The following MMD2 variants were observed in gnomAD, a reference collection of about 807,000 sequenced individuals.
MMD2 encodes monocyte to macrophage differentiation associated 2, also known as monocyte to macrophage differentiation factor 2.
A neutral mutation model predicts 33.5 loss-of-function variants in MMD2; 30 were observed. The observed-to-expected ratio is 0.90, with a 90% confidence interval of 0.67 to 1.22. MMD2 has a LOEUF of 1.22. Ranked by LOEUF, MMD2 falls within the 50% of genes most tolerant of loss-of-function variation. The pLI, the probability that MMD2 is intolerant of heterozygous loss-of-function variation, is 0.00. For missense variants in MMD2, 364 were observed against 325.4 expected (o/e 1.12, Z -0.91); for synonymous variants, 129 against 123.0 (o/e 1.05, Z -0.32).
At chr7:4,893,332 G>T in the MMD2 span, among the ~76,000 whole-genome samples, 1 of 151,298 alleles carries the variant, frequency 6.6e-6, no homozygotes, top group Admixed American at 6.6e-5. Flanking sequence ...CATCACCAAG[G>T]GCTGCTGGTT....
intron 1 of MMD2, among the ~76,000 whole-genome samples, chr7:4,945,504 G>A (rs935205773): frequency 6.6e-6 from 1 of 151,566 alleles, no homozygotes; most frequent in Non-Finnish European, 1.5e-5. Context: ...CTGACCTCGT[G>A]ATCCACCTAC....
chr7:4,902,613 T>C (rs1040821483), downstream of MMD2, among the ~76,000 whole-genome samples: 3 of 152,168 alleles, frequency 2.0e-5, no homozygotes, highest in African/African-American at 7.2e-5. Context: ...CTCTTTCTCG[T>C]CACACCTGCT....
chr7:4,911,977 G>C (rs1042743513), intron 4 of MMD2, among the ~76,000 whole-genome samples: 12 of 151,832 alleles, frequency 7.9e-5, no homozygotes, highest in African/African-American at 2.7e-4. Context: ...TATTTTAAGA[G>C]ACAGGGTCTT....
rs1786096726 is a variant in MMD2, at chr7:4,946,727, G to C, written c.47+12244C>G. Among the ~76,000 whole-genome samples the C allele has an allele frequency of 1.3e-5, 2 of 152,024 alleles. No individual in the cohort carries two copies. Among genetic ancestry groups the C allele is most frequent in the South Asian group, 4.1e-4 (2 of 4,826 alleles). ...CACCATATGGCCTATAATCCTCCTG[G>C]CCTTTCTTCCTTCTTATTTTTAGAG... On this transcript the variant is annotated intron_variant, in intron 1 of 6. Transcript: ENST00000401401. The surrounding 1 kb of genome is among the most constrained non-coding windows in gnomAD (Gnocchi z 5.0).
chr7:4,908,133 T>C (rs1014748991), intron 6 of MMD2, among the ~76,000 whole-genome samples: 12 of 149,816 alleles, frequency 8.0e-5, no homozygotes, highest in African/African-American at 2.9e-4. Context: ...TTATAACTTA[T>C]CTTATCTGGT....
At position 4,946,890 on chromosome 7, in the gene MMD2, C is replaced by T. The variant is rs1786100678; in HGVS notation, c.47+12081G>A. Among the ~76,000 whole-genome samples, 1 of 152,000 alleles carries T rather than the reference C, an allele frequency of 6.6e-6. No individual in the cohort carries two copies. On this transcript the variant is annotated intron_variant, in intron 1 of 6. Transcript: ENST00000401401. The surrounding 1 kb of genome is among the most constrained non-coding windows in gnomAD (Gnocchi z 5.0). ...TGTGCCACACTACTAGAAAGAAATA[C>T]CTGAGACTGGGTAATTCATAAAGAA...
the MMD2 span, among the ~76,000 whole-genome samples, chr7:4,900,921 C>A: frequency 2.6e-5 from 4 of 152,116 alleles, no homozygotes; most frequent in Non-Finnish European, 5.9e-5. Context: ...GGGTGGATCA[C>A]CTGAGGTCAG....
chr7:4,949,716 T>A (rs1246606131), intron 1 of MMD2, among the ~76,000 whole-genome samples: 1 of 152,040 alleles, frequency 6.6e-6, no homozygotes, highest in Non-Finnish European at 1.5e-5. Context: ...TTCACCATAT[T>A]GGCCAGGATG....
intron 1 of MMD2, among the ~76,000 whole-genome samples, chr7:4,937,439 A>G (rs1280579461): frequency 6.6e-6 from 1 of 151,806 alleles, no homozygotes; most frequent in Non-Finnish European, 1.5e-5. Context: ...AGAAAGAAAG[A>G]AAGGAAGAAA....
chr7:4,954,941 T>C lies in MMD2; in HGVS notation c.47+4030A>G, dbSNP rs10234450. ...TCCTATTCCACTGTTCTCATCTGAA[T>C]AATGAATTGTCTCAGTACCACTTAT... On this transcript the variant is annotated intron_variant, in intron 1 of 6. Transcript: ENST00000401401. Among the ~76,000 whole-genome samples the C allele has an allele frequency of 3.2e-3, 490 of 152,352 alleles. 2 individuals carry two copies. The highest frequency in any genetic ancestry group is 0.011 in the African/African-American group (458 of 41,590).
At chr7:4,897,634 C>T in the MMD2 span, among the ~76,000 whole-genome samples, 25 of 152,330 alleles carry the variant, frequency 1.6e-4, no homozygotes, top group African/African-American at 5.3e-4. Flanking sequence ...GAAGTGCATT[C>T]GGTGAAAGGC....
intron 1 of MMD2, among the ~76,000 whole-genome samples, chr7:4,950,260 G>A (rs904024060): frequency 6.6e-6 from 1 of 151,806 alleles, no homozygotes; most frequent in African/African-American, 2.4e-5. Flanking sequence ...CACCAGGCCT[G>A]GCTAATTTTG....
chr7:4,907,560 C>A lies in MMD2; in HGVS notation c.577G>T (p.Val193Phe), dbSNP rs201181716. 4.9e-5 allele frequency: 79 copies of A among 1,613,084 alleles called. No homozygotes were observed. The African/African-American group carries it at 9.6e-4, about 20-fold the overall frequency. The part of the protein sequence containing the change: ...EGIWELVTGG[V>F]FYCLGMVFFK... ...AAGACCATGCCCAGGCAGTAGAAGACCCCTCCGGTCACCAGCTCCCAGATG... is the reference window on the plus strand; with the variant it reads ...AAGACCATGCCCAGGCAGTAGAAGAACCCTCCGGTCACCAGCTCCCAGATG... Residue 193 changes from valine (V) to phenylalanine (F), a missense_variant, in exon 7 of 7, where the codon GTC (valine) becomes TTC (phenylalanine). By Grantham distance (50) the Val-to-Phe change is conservative. Transcript: ENST00000401401.
chr7:4,905,640 ACCCCAGAAC>A (rs1292339714), downstream of MMD2, among the ~76,000 whole-genome samples: 2 of 151,770 alleles, frequency 1.3e-5, no homozygotes, highest in African/African-American at 2.4e-5. The surrounding 1 kb of genome is among the most constrained non-coding windows in gnomAD (Gnocchi z 5.0). Context: ...CCTAAACAAC[ACCCCAGAAC>A]CCCCAGAACC....
At chr7:4,915,923 TACCC>T in intron 4 of MMD2, 78 bp downstream of exon 4, 1 of 1,427,446 alleles carries the variant, frequency 7.0e-7, no homozygotes, top group Non-Finnish European at 9.8e-7. Flanking sequence ...GTCAACACAT[TACCC>T]AGCCAAATAG....
intron 1 of MMD2, among the ~76,000 whole-genome samples, chr7:4,932,554 C>G (rs1434929855): frequency 6.6e-6 from 1 of 151,984 alleles, no homozygotes; most frequent in African/African-American, 2.4e-5. Flanking sequence ...CCTGCCCCCT[C>G]TTTGCACCTG....
At chr7:4,922,771 A>T (rs1157676555) in intron 2 of MMD2, among the ~76,000 whole-genome samples, 3 of 151,978 alleles carry the variant, frequency 2.0e-5, no homozygotes, top group Non-Finnish European at 4.4e-5. Flanking sequence ...ATCACCTACC[A>T]TGCCTAGTAT....
At chr7:4,945,277 T>C (rs1238959683) in intron 1 of MMD2, among the ~76,000 whole-genome samples, 2 of 144,114 alleles carry the variant, frequency 1.4e-5, no homozygotes, top group Non-Finnish European at 3.0e-5. Context: ...CTTTCTTTTT[T>C]TTTCTTTTTT....
intron 1 of MMD2, among the ~76,000 whole-genome samples, chr7:4,938,595 A>G (rs1043164641): frequency 1.4e-4 from 21 of 152,252 alleles, no homozygotes; most frequent in African/African-American, 5.1e-4. Flanking sequence ...TACAACGGGG[A>G]TCAAGTTTCA....
Sources: gnomAD v4.1 joint callset for allele counts (sites outside exome capture counted in the v4.1 genomes callset) on GRCh38, gnomAD v4.1.1 for gene constraint, Gnocchi (gnomAD v3.1) non-coding constraint, MANE v1.5 for transcripts, NCBI Gene and HGNC (gene_info 2026-07-23, HGNC 2026-07-21) for gene names.